The following CNTF variants were observed in gnomAD, a reference collection of about 807,000 sequenced individuals.
CNTF encodes the protein ciliary neurotrophic factor.
In CNTF, 14 loss-of-function variants were observed where a neutral mutation model predicts 13.0. The ratio of observed to expected loss-of-function variants is 1.07; its 90% CI spans 0.71 to 1.68. The LOEUF is 1.68. Among genes scored for constraint, CNTF ranks in the 40% most tolerant of loss-of-function variants. CNTF has a pLI of 0.00. For synonymous variants in CNTF, 98 were observed against 92.4 expected, an observed-to-expected ratio of 1.06 and a Z score of -0.35; for missense variants, 283 against 252.5, an observed-to-expected ratio of 1.12 and a Z score of -0.82.
chr11:58,624,265 G>A lies in CNTF; in HGVS notation c.346G>A (p.Val116Ile). 1 of 1,613,936 alleles carries A rather than the reference G, an allele frequency of 6.2e-7. No homozygotes were observed. The highest frequency in any genetic ancestry group is 2.2e-5 in the East Asian group (1 of 44,872). ...AGCTATACATACCCTTCTTCTCCAA[G>A]TCGCTGCCTTTGCATACCAGATAGA... is the stretch of plus-strand genomic sequence containing the variant. ...HQAIHTLLLQ[V>I]AAFAYQIEEL... Residue 116 changes from valine to isoleucine, a missense_variant, in exon 2 of 2, where the codon GTC (valine) becomes ATC (isoleucine). Coordinates refer to ENST00000361987, the MANE Select transcript of CNTF (RefSeq NM_000614.4).
At position 58,622,808 on chromosome 11, in the gene CNTF, G is replaced by A. The variant is rs149242903; in HGVS notation, c.56G>A (p.Arg19His). 33 of 1,613,838 alleles carry A rather than the reference G, an allele frequency of 2.0e-5. No homozygotes were observed. The African/African-American group carries it at 3.3e-4, about 16-fold the overall frequency. ...CCTCACCGTCGGGACCTCTGTAGCC[G>A]CTCTATCTGGCTAGCAAGGAAGATT... ...LTPHRRDLCS[R>H]SIWLARKIRS... Residue 19 changes from arginine (R) to histidine (H), a missense_variant, in exon 1 of 2, where the codon CGC (arginine) becomes CAC (histidine). Coordinates refer to ENST00000361987, the MANE Select transcript of CNTF (RefSeq NM_000614.4).
At position 58,624,027 on chromosome 11, in the gene CNTF, C is replaced by T. The variant is rs759007938; in HGVS notation, c.115-7C>T. ...AAGATGTGGTGTTTTCCTGTATCCTCGGCCAGGTGAAGCATCAGGGCCTGA... is the reference window on the plus strand; with the variant it reads ...AAGATGTGGTGTTTTCCTGTATCCTTGGCCAGGTGAAGCATCAGGGCCTGA... On this transcript the variant is annotated splice_region_variant and splice_polypyrimidine_tract_variant and intron_variant, in intron 1 of 1. Transcript: ENST00000361987. The T allele has an allele frequency of 9.9e-6, 16 of 1,611,366 alleles. No homozygotes were observed. The highest frequency in any genetic ancestry group is 7.7e-5 in the South Asian group (7 of 90,642).
rs987893854 is a variant in CNTF at position 58,625,340 on chromosome 11, A to G, written c.*818A>G. ...GAAGTCAGTTGCAAATTTTAGCGTT[A>G]AAGTCAGGATTTATTGTTCATACTT... is the stretch of plus-strand genomic sequence containing the variant. On this transcript the variant is annotated 3_prime_UTR_variant, in exon 2 of 2. Coordinates refer to ENST00000361987, the MANE Select transcript of CNTF (RefSeq NM_000614.4). 8 of 152,346 alleles carry G rather than the reference A, an allele frequency of 5.3e-5. No homozygotes were observed. The highest frequency in any genetic ancestry group is 8.8e-5 in the Non-Finnish European group (6 of 68,034). The allele number at this position is 152,346 out of a possible 1,614,324, so 9.4% of individuals were successfully genotyped here. A position where few individuals can be genotyped will look rare whatever the true frequency, so the allele number is the denominator to read the frequency against.
At position 58,622,766 on chromosome 11, in the gene CNTF, A is replaced by C; in HGVS notation, c.14A>C (p.Glu5Ala). 6.2e-7 allele frequency: 1 copy of C among 1,613,808 alleles called. No individual in the cohort carries two copies. The highest frequency in any genetic ancestry group is 1.1e-5 in the South Asian group (1 of 91,054). The part of the protein sequence containing the change: MAFT[E>A]HSPLTPHRRD... ...TTGAGTTAAGGGATGGCTTTCACAG[A>C]GCATTCACCGCTGACCCCTCACCGT... The change falls in exon 1 of 2, where the codon GAG (glutamate) becomes GCG (alanine). Residue 5 changes from glutamate to alanine, a missense_variant. Coordinates refer to ENST00000361987, the MANE Select transcript of CNTF (RefSeq NM_000614.4).
At position 58,622,843 on chromosome 11, in the gene CNTF, C is replaced by G; in HGVS notation, c.91C>G (p.Leu31Val). Residue 31 changes from leucine to valine, a missense_variant, in exon 1 of 2, where the codon CTG becomes GTG. Coordinates refer to ENST00000361987, the MANE Select transcript of CNTF (RefSeq NM_000614.4). ...GCTAGCAAGGAAGATTCGTTCAGACCTGACTGCTCTTACGGAATCCTATGT... is the reference window on the plus strand; with the variant it reads ...GCTAGCAAGGAAGATTCGTTCAGACGTGACTGCTCTTACGGAATCCTATGT... ...IWLARKIRSD[L>V]TALTESYVKH... 6.2e-7 allele frequency: 1 copy of G among 1,613,790 alleles called. No homozygotes were observed. Among genetic ancestry groups the G allele is most frequent in the Non-Finnish European group, 8.5e-7 (1 of 1,179,750 alleles).
chr11:58,622,890 T>G, intron 1 of CNTF, 24 bp downstream of exon 1: 1 of 1,544,906 alleles, frequency 6.5e-7, no homozygotes, highest in Non-Finnish European at 8.9e-7. Context: ...TTTGCTGTTA[T>G]CTGTTTTCCC....
At position 58,624,757 on chromosome 11, in the gene CNTF, C is replaced by A; in HGVS notation, c.*235C>A. On this transcript the variant is annotated 3_prime_UTR_variant, in exon 2 of 2. Transcript: ENST00000361987. ...TAGCCTGGGGGGTGTGATTTGTGTG[C>A]GTGCTTGCATGTGCTGCAGGTGTAA... 1 of 482,726 alleles carries A rather than the reference C, an allele frequency of 2.1e-6. No individual in the cohort carries two copies. The allele number at this position is 482,726 out of a possible 1,614,324, so 29.9% of individuals were successfully genotyped here.
At position 58,624,133 on chromosome 11, in the gene CNTF, C is replaced by T. The variant is rs778809997; in HGVS notation, c.214C>T (p.Arg72Ter). 1.5e-5 allele frequency: 25 copies of T among 1,613,162 alleles called. 1 individual carries two copies. The highest frequency in any genetic ancestry group is 4.4e-5 in the South Asian group (4 of 90,984). The change falls in exon 2 of 2, where the codon CGA becomes TGA. Residue 72 changes from arginine to a stop codon, truncating the protein, a stop_gained. Coordinates refer to ENST00000361987, the MANE Select transcript of CNTF (RefSeq NM_000614.4). LOFTEE classifies it high-confidence loss of function. ...GTGGAGTGAGCTGACCGAGGCAGAG[C>T]GACTCCAAGAGAACCTTCAAGCTTA... Reference protein sequence around the residue: ...DQWSELTEAERLQENLQAYRT... With the variant: ...DQWSELTEAE
At chr11:58,622,991 A>G in intron 1 of CNTF, 125 bp downstream of exon 1, 1 of 752,236 alleles carries the variant, frequency 1.3e-6, no homozygotes, top group South Asian at 1.5e-5. Flanking sequence ...CATATAGGTT[A>G]TTTGACATGG....
In CNTF at chr11:58,624,031, C is replaced by G; in HGVS notation, c.115-3C>G. The G allele has an allele frequency of 3.1e-6, 5 of 1,611,790 alleles. No homozygotes were observed. The highest frequency in any genetic ancestry group is 4.2e-6 in the Non-Finnish European group (5 of 1,178,938). On this transcript the variant is annotated splice_region_variant and splice_polypyrimidine_tract_variant and intron_variant, in intron 1 of 1. Transcript: ENST00000361987. ...TGTGGTGTTTTCCTGTATCCTCGGC[C>G]AGGTGAAGCATCAGGGCCTGAACAA...
chr11:58,624,114 T>C lies in CNTF; in HGVS notation c.195T>C (p.Ser65=). The change falls in exon 2 of 2, where the codon AGT becomes AGC. Residue 65 remains serine (S), a synonymous_variant. Coordinates refer to ENST00000361987, the MANE Select transcript of CNTF (RefSeq NM_000614.4). The part of the protein sequence containing the change: ...GMPVASTDQW[S]ELTEAERLQE... ...CAGTGGCAAGCACTGATCAGTGGAG[T>C]GAGCTGACCGAGGCAGAGCGACTCC... 6.2e-7 allele frequency: 1 copy of C among 1,612,126 alleles called. No individual in the cohort carries two copies. Among genetic ancestry groups the C allele is most frequent in the South Asian group, 1.1e-5 (1 of 90,846 alleles).
chr11:58,622,698 G>A lies in CNTF; in HGVS notation c.-55G>A, dbSNP rs752850472. ...AGAGTCACATCTCTTATTTGGACCAGTATAGACAGAAGTAAACCCAGCTGA... is the reference window on the plus strand; with the variant it reads ...AGAGTCACATCTCTTATTTGGACCAATATAGACAGAAGTAAACCCAGCTGA... On this transcript the variant is annotated 5_prime_UTR_variant, in exon 1 of 2. Transcript: ENST00000361987. The A allele has an allele frequency of 4.7e-6, 6 of 1,276,660 alleles. No homozygotes were observed. The highest frequency in any genetic ancestry group is 1.9e-4 in the Middle Eastern group (1 of 5,388). 79.1% of individuals were successfully genotyped at this position (1,276,660 alleles called of 1,614,324 possible). A position where few individuals can be genotyped will look rare whatever the true frequency, so the allele number is the denominator to read the frequency against.
rs921976550 is a variant in CNTF at position 58,625,713 on chromosome 11, G to T, written c.*1191G>T. On this transcript the variant is annotated 3_prime_UTR_variant, in exon 2 of 2. Transcript: ENST00000361987. ...AGAGACTCTGAAACTATAGAATAAA[G>T]CCTCTGTGCTGCACAACAAAGGGGC... 15 of 152,050 alleles carry T rather than the reference G, an allele frequency of 9.9e-5. No homozygotes were observed. Among genetic ancestry groups the T allele is most frequent in the African/African-American group, 3.6e-4 (15 of 41,398 alleles). The allele number at this position is 152,050 out of a possible 1,614,324, so 9.4% of individuals were successfully genotyped here. A position where few individuals can be genotyped will look rare whatever the true frequency, so the allele number is the denominator to read the frequency against.
At position 58,622,835 on chromosome 11, in the gene CNTF, G is replaced by T. The variant is rs139149169; in HGVS notation, c.83G>T (p.Arg28Leu). The change falls in exon 1 of 2, where the codon CGT (arginine) becomes CTT (leucine). Residue 28 changes from arginine (R) to leucine (L), a missense_variant. Transcript: ENST00000361987. ...SRSIWLARKIRSDLTALTESY... is the reference protein window; with the variant it reads ...SRSIWLARKILSDLTALTESY... ...TCTATCTGGCTAGCAAGGAAGATTC[G>T]TTCAGACCTGACTGCTCTTACGGAA... is the stretch of plus-strand genomic sequence containing the variant. 1 of 1,613,778 alleles carries T rather than the reference G, an allele frequency of 6.2e-7. No homozygotes were observed. Among genetic ancestry groups the T allele is most frequent in the African/African-American group, 1.3e-5 (1 of 74,894 alleles).
At chr11:58,623,972 G>A (rs1052062417) in intron 1 of CNTF, 62 bp from the exon 2 acceptor site, 61 of 1,566,818 alleles carry the variant, frequency 3.9e-5, no homozygotes, top group Non-Finnish European at 5.2e-5. Context: ...GAAATTTAGG[G>A]GTGATTTAAG....
At position 58,624,524 on chromosome 11, in the gene CNTF, A is replaced by G. The variant is rs373299086; in HGVS notation, c.*2A>G. On this transcript the variant is annotated 3_prime_UTR_variant, in exon 2 of 2. Coordinates refer to ENST00000361987, the MANE Select transcript of CNTF (RefSeq NM_000614.4). ...ATTGCTAACAACAAGAAAATGTAGC[A>G]GTTAGTCCCTTCTCTCTTCCTTGCT... is the stretch of plus-strand genomic sequence containing the variant. The G allele has an allele frequency of 4.3e-6, 7 of 1,613,574 alleles. No homozygotes were observed. The highest frequency in any genetic ancestry group is 5.1e-6 in the Non-Finnish European group (6 of 1,179,952).
In CNTF at chr11:58,624,697, A is replaced by G. The variant is rs1271100109; in HGVS notation, c.*175A>G. 1 of 687,250 alleles carries G rather than the reference A, an allele frequency of 1.5e-6. No homozygotes were observed. Among genetic ancestry groups the G allele is most frequent in the Non-Finnish European group, 2.4e-6 (1 of 418,248 alleles). The allele number at this position is 687,250 out of a possible 1,614,324, so 42.6% of individuals were successfully genotyped here. ...AGGACTACAGGTATTTTCATCAAGT[A>G]GCGTTGGAGACATACACAAATGGGC... is the stretch of plus-strand genomic sequence containing the variant. On this transcript the variant is annotated 3_prime_UTR_variant, in exon 2 of 2. Coordinates refer to ENST00000361987, the MANE Select transcript of CNTF (RefSeq NM_000614.4).
rs997791388 is a variant in CNTF, at chr11:58,625,121, T to G, written c.*599T>G. ...GATGAGAAAACAGGCTCACAGAGAT[T>G]TGGTTAAGCTCACACAGCTAACAAG... On this transcript the variant is annotated 3_prime_UTR_variant, in exon 2 of 2. Transcript: ENST00000361987. The G allele has an allele frequency of 2.2e-4, 33 of 153,138 alleles. No homozygotes were observed. The highest frequency in any genetic ancestry group is 7.5e-4 in the African/African-American group (31 of 41,586). 9.5% of individuals were successfully genotyped at this position (153,138 alleles called of 1,614,324 possible). A position where few individuals can be genotyped will look rare whatever the true frequency, so the allele number is the denominator to read the frequency against.
chr11:58,624,288 A>C lies in CNTF; in HGVS notation c.369A>C (p.Ile123=). ...LLQVAAFAYQ[I]EELMILLEYK... is the part of the protein sequence containing the mutation. ...AAGTCGCTGCCTTTGCATACCAGAT[A>C]GAGGAGTTAATGATACTCCTGGAAT... Residue 123 remains isoleucine, a synonymous_variant, in exon 2 of 2, where the codon ATA becomes ATC. Coordinates refer to ENST00000361987, the MANE Select transcript of CNTF (RefSeq NM_000614.4). 2 of 1,613,764 alleles carry C rather than the reference A, an allele frequency of 1.2e-6. No individual in the cohort carries two copies. Among genetic ancestry groups the C allele is most frequent in the Non-Finnish European group, 1.7e-6 (2 of 1,179,958 alleles).
Sources: allele counts gnomAD v4.1 joint callset, GRCh38; gene constraint gnomAD v4.1.1; transcripts MANE v1.5; gene names NCBI Gene and HGNC (gene_info 2026-07-23, HGNC 2026-07-21).